CNKSR3: variants seen among roughly 807,000 people sequenced by gnomAD.
The protein encoded by CNKSR3 is connector enhancer of kinase suppressor of ras 3.
Under a neutral mutation model 67.7 loss-of-function variants are expected in CNKSR3, and 36 were observed. The observed-to-expected ratio is 0.53, with a 90% CI of 0.41 to 0.70. The LOEUF (loss-of-function observed/expected upper bound fraction) is 0.70, where lower values mean the gene tolerates loss of function less well. CNKSR3 is among the 30% of genes least tolerant of loss of function. CNKSR3 has a pLI of 0.00. For missense variants in CNKSR3, 630 were observed against 695.2 expected (o/e 0.91, Z 1.05); for synonymous variants, 281 against 271.4 (o/e 1.04, Z -0.35).
At chr6:154,507,920 G>A (rs186296266) in intron 1 of CNKSR3, among the ~76,000 whole-genome samples, 1 of 152,208 alleles carries the variant, frequency 6.6e-6, no homozygotes, top group East Asian at 1.9e-4. Flanking sequence ...GTGATTTTAC[G>A]CTTCTCCTTT....
chr6:154,465,140 CAAAAAAA>C (rs59986165), intron 1 of CNKSR3, among the ~76,000 whole-genome samples: 1 of 69,076 alleles, frequency 1.4e-5, no homozygotes, highest in East Asian at 4.7e-4. Flanking sequence ...GATTCTGTCT[CAAAAAAA>C]AAAAAAAAAA....
chr6:154,432,042 C>T (rs920034941), intron 5 of CNKSR3, among the ~76,000 whole-genome samples: 12 of 152,150 alleles, frequency 7.9e-5, no homozygotes, highest in Non-Finnish European at 1.5e-4. Context: ...ACTGTTGGAT[C>T]ATATGGTAAG....
rs185289476 is a variant in CNKSR3 at position 154,442,148 on chromosome 6, A to G, written c.359T>C (p.Phe120Ser). The G allele has an allele frequency of 6.2e-7, 1 of 1,614,082 alleles. No individual in the cohort carries two copies. Among genetic ancestry groups the G allele is most frequent in the Non-Finnish European group, 8.5e-7 (1 of 1,179,942 alleles). Residue 120 changes from phenylalanine to serine, a missense_variant, in exon 3 of 13, where the codon TTC becomes TCC. By Grantham distance (155) the Phe-to-Ser change is radical. Around this residue, in one of 3 missense-constraint regions of CNKSR3, gnomAD observed 189 missense variants for 205.0 expected, o/e 0.92. Coordinates refer to ENST00000607772, the MANE Select transcript of CNKSR3 (RefSeq NM_173515.4). ...GNTSRKAPNE[F>S]LTSVVELIGA... is the part of the protein sequence containing the mutation. Reference sequence around the variant, plus strand: ...GATGAGCTCCACCACCGAGGTCAGGAACTCATTGGGGGCCTTGCGGGAGGT... The same window carrying G: ...GATGAGCTCCACCACCGAGGTCAGGGACTCATTGGGGGCCTTGCGGGAGGT...
At chr6:154,414,033 G>A (rs1469226127) in intron 10 of CNKSR3, among the ~76,000 whole-genome samples, 1 of 152,048 alleles carries the variant, frequency 6.6e-6, no homozygotes, top group Non-Finnish European at 1.5e-5. Context: ...ACAGGTGTGA[G>A]CGACCACACC....
At chr6:154,450,304 T>TA in intron 1 of CNKSR3, 46 bp from the exon 2 acceptor site, 1 of 1,595,210 alleles carries the variant, frequency 6.3e-7, no homozygotes, top group Non-Finnish European at 8.6e-7. Flanking sequence ...TTTGTTCCTT[T>TA]ACCCACCCCC....
intron 2 of CNKSR3, among the ~76,000 whole-genome samples, chr6:154,444,886 T>A (rs2128718246): frequency 6.6e-6 from 1 of 152,306 alleles, no homozygotes; most frequent in Admixed American, 6.5e-5. Flanking sequence ...ATTACAGGCA[T>A]GAACCACTGC....
rs113955408 is a variant in CNKSR3 at position 154,467,459 on chromosome 6, A to G, written c.53-17201T>C. 4.8e-3 allele frequency among the ~76,000 whole-genome samples: 736 copies of G among 152,240 alleles called. 5 individuals are homozygous for G. The highest frequency in any genetic ancestry group is 0.017 in the African/African-American group (704 of 41,548). ...GGGGTTCTCACTATACACACTGTCA[A>G]CAGGTGGTCCTGAAGAGCACCAACA... On this transcript the variant is annotated intron_variant, in intron 1 of 12. Coordinates refer to ENST00000607772, the MANE Select transcript of CNKSR3 (RefSeq NM_173515.4).
intron 1 of CNKSR3, among the ~76,000 whole-genome samples, chr6:154,490,284 AC>A (rs1409053885): frequency 6.6e-6 from 1 of 152,018 alleles, no homozygotes; most frequent in East Asian, 1.9e-4. Flanking sequence ...CAGGTCTAAA[AC>A]CCAGTTAGTG....
chr6:154,481,463 C>G (rs917018475), intron 1 of CNKSR3, among the ~76,000 whole-genome samples: 1 of 152,162 alleles, frequency 6.6e-6, no homozygotes, highest in African/African-American at 2.4e-5. Flanking sequence ...TAGCAGTCAG[C>G]TCTAACACAG....
intron 12 of CNKSR3, among the ~76,000 whole-genome samples, chr6:154,409,921 C>T (rs1784873996): frequency 6.7e-6 from 1 of 150,322 alleles, no homozygotes; most frequent in South Asian, 2.1e-4. Flanking sequence ...GTGGCGTGCA[C>T]CTGTAGTCCC....
chr6:154,446,802 CTTTTTT>C (rs765120948), intron 2 of CNKSR3, among the ~76,000 whole-genome samples: 1 of 120,358 alleles, frequency 8.3e-6, no homozygotes. Context: ...TCATACTTAT[CTTTTTT>C]TTTTTTTTTT....
At chr6:154,509,087 A>C (rs1246768058) in intron 1 of CNKSR3, among the ~76,000 whole-genome samples, 10 of 152,162 alleles carry the variant, frequency 6.6e-5, no homozygotes, top group Non-Finnish European at 2.9e-5. Flanking sequence ...CACCTGGAAG[A>C]GCAGATAGAA....
intron 1 of CNKSR3, among the ~76,000 whole-genome samples, chr6:154,477,982 G>A (rs138612001): frequency 2.1e-4 from 32 of 152,268 alleles, no homozygotes; most frequent in South Asian, 1.7e-3. Context: ...TGGGGCTTCC[G>A]TCCTTATGAC....
chr6:154,433,872 A>C, intron 4 of CNKSR3: 2 of 168,798 alleles, frequency 1.2e-5, no homozygotes, highest in Non-Finnish European at 1.3e-5. Flanking sequence ...ACGGCTCCCA[A>C]TGTGCCCCCA....
At position 154,464,631 on chromosome 6, in the gene CNKSR3, G is replaced by T. The variant is rs553393604; in HGVS notation, c.53-14373C>A. Among the ~76,000 whole-genome samples the T allele has an allele frequency of 2.8e-3, 418 of 151,424 alleles. 1 individual carries two copies. The highest frequency in any genetic ancestry group is 3.4e-3 in the Middle Eastern group (1 of 294). On this transcript the variant is annotated intron_variant, in intron 1 of 12. Coordinates refer to ENST00000607772, the MANE Select transcript of CNKSR3 (RefSeq NM_173515.4). ...CTCGGGAGGCTGAGGCAGGGGAATC[G>T]CTTGAACCCGAGAGGTGGAGGTTGC...
intron 1 of CNKSR3, among the ~76,000 whole-genome samples, chr6:154,491,261 C>A (rs1156837839): frequency 6.6e-6 from 1 of 152,164 alleles, no homozygotes; most frequent in Non-Finnish European, 1.5e-5. Context: ...AGTCTAAATG[C>A]CTGTTGATTT....
Position 154,422,614 on chromosome 6 carries a change from T to C in CNKSR3, c.837A>G (p.Arg279=), listed in dbSNP as rs1785169762. Residue 279 remains arginine, a synonymous_variant, in exon 9 of 13, where the codon AGA becomes AGG. Transcript: ENST00000607772. ...GTAACACAACTCCGGTGGGATTCTC[T>C]CTCAATTTCTTCACCAGATTTTTCA... ...WQLKNLVKKL[R]ENPTGVVLLL... is the part of the protein sequence containing the mutation. 2 of 1,613,600 alleles carry C rather than the reference T, an allele frequency of 1.2e-6. No homozygotes were observed. The highest frequency in any genetic ancestry group is 2.7e-5 in the African/African-American group (2 of 74,904).
Position 154,387,823 on chromosome 6 carries a change from C to T in CNKSR3, c.*18531G>A, listed in dbSNP as rs1251201873. 6.6e-6 allele frequency: 1 copy of T among 152,122 alleles called. No homozygotes were observed. The highest frequency in any genetic ancestry group is 1.5e-5 in the Non-Finnish European group (1 of 68,006). 9.4% of individuals were successfully genotyped at this position (152,122 alleles called of 1,614,324 possible). A position where few individuals can be genotyped will look rare whatever the true frequency, so the allele number is the denominator to read the frequency against. ...AATGTATTATGCATTTATTTTTTATCATTTGAAATAATAGCTTATAAATAA... is the reference window on the plus strand; with the variant it reads ...AATGTATTATGCATTTATTTTTTATTATTTGAAATAATAGCTTATAAATAA... On this transcript the variant is annotated 3_prime_UTR_variant, in exon 13 of 13. Coordinates refer to ENST00000607772, the MANE Select transcript of CNKSR3 (RefSeq NM_173515.4).
At chr6:154,500,565 C>T (rs1424064581) in intron 1 of CNKSR3, among the ~76,000 whole-genome samples, 21 of 152,314 alleles carry the variant, frequency 1.4e-4, no homozygotes, top group Admixed American at 1.2e-3. Flanking sequence ...CCCTCTCCCA[C>T]TCCCTCCCCT....
Sources: allele counts gnomAD v4.1 joint callset (sites outside exome capture counted in the v4.1 genomes callset), GRCh38; gene constraint gnomAD v4.1.1; regional missense constraint gnomAD v4.1.1; transcripts MANE v1.5; gene names NCBI Gene and HGNC (gene_info 2026-07-23, HGNC 2026-07-21).